Variants in LMBRD1 observed in about 807,000 individuals in gnomAD.
LMBRD1 encodes LMBR1 domain containing 1.
Under a neutral mutation model 74.8 loss-of-function variants are expected in LMBRD1, and 64 were observed. The observed-to-expected ratio is 0.86, with a 90% confidence interval of 0.70 to 1.05. The LOEUF is 1.05. Ranked by LOEUF, LMBRD1 falls within the 50% of genes least tolerant of loss-of-function variation. The pLI, the probability that LMBRD1 is intolerant of heterozygous loss-of-function variation, is 0.00. For missense variants in LMBRD1, 652 were observed against 645.9 expected (o/e 1.01, Z -0.10); for synonymous variants, 204 against 216.3 (o/e 0.94, Z 0.50).
intron 5 of LMBRD1, chr6:69,745,931 C>G (rs772333695): frequency 4.4e-6 from 1 of 228,356 alleles, no homozygotes; most frequent in Non-Finnish European, 8.8e-6. Context: ...GTCACCAGAG[C>G]TCCTTTTAAC....
At chr6:69,796,098 T>C (rs1766220128) in intron 1 of LMBRD1, among the ~76,000 whole-genome samples, 2 of 152,114 alleles carry the variant, frequency 1.3e-5, no homozygotes, top group South Asian at 4.2e-4. Flanking sequence ...GAGACATTTC[T>C]ATCTACACTT....
chr6:69,765,440 G>A (rs1203746953), intron 3 of LMBRD1, among the ~76,000 whole-genome samples: 5 of 151,948 alleles, frequency 3.3e-5, no homozygotes, highest in African/African-American at 1.2e-4. Flanking sequence ...GTTTATTTTT[G>A]GACTCTGAAT....
intron 7 of LMBRD1, among the ~76,000 whole-genome samples, chr6:69,726,267 C>T (rs1766732843): frequency 1.3e-5 from 2 of 152,288 alleles, no homozygotes; most frequent in South Asian, 4.1e-4. Context: ...AACCCTTGTA[C>T]ACTGTTGGTG....
At position 69,728,607 on chromosome 6, in the gene LMBRD1, C is replaced by G. The variant is rs1244708490; in HGVS notation, c.636+9335G>C. Among the ~76,000 whole-genome samples, 7 of 152,160 alleles carry G rather than the reference C, an allele frequency of 4.6e-5. No homozygotes were observed. In the South Asian group the frequency reaches 1.0e-3, roughly 22 times the overall value. On this transcript the variant is annotated intron_variant, in intron 7 of 15. Transcript: ENST00000649934. ...TTCCCAAGGAACCTTTTGCTCTAGT[C>G]AGTATTAACAACATGGCCCTTATTT... is the stretch of plus-strand genomic sequence containing the variant.
intron 11 of LMBRD1, 128 bp downstream of exon 11, chr6:69,701,315 A>G: frequency 3.1e-6 from 2 of 639,500 alleles, no homozygotes; most frequent in East Asian, 2.8e-5. Context: ...TAATATAAGC[A>G]TATGTCAAAC....
intron 7 of LMBRD1, among the ~76,000 whole-genome samples, chr6:69,723,195 A>G (rs1412097622): frequency 5.3e-5 from 8 of 152,178 alleles, no homozygotes; most frequent in African/African-American, 1.9e-4. Flanking sequence ...TTAGAGTTAG[A>G]GAGACAGACC....
chr6:69,764,332 A>ACTCTCT (rs113092782), intron 3 of LMBRD1, among the ~76,000 whole-genome samples: 8 of 147,780 alleles, frequency 5.4e-5, no homozygotes, highest in African/African-American at 2.0e-4. Context: ...TCGTTACCTC[A>ACTCTCT]CTCTCTCTCT....
rs968066497 is a variant in LMBRD1, at chr6:69,727,621, C to T, written c.637-8540G>A. Among the ~76,000 whole-genome samples the T allele has an allele frequency of 7.2e-5, 11 of 152,246 alleles. No homozygotes were observed. The East Asian group carries it at 1.9e-3, about 27-fold the overall frequency. ...ATTCACAATTTGGGTGATGGCTACACTAAAAGCCTAGACTTCACCACAATG... is the reference window on the plus strand; with the variant it reads ...ATTCACAATTTGGGTGATGGCTACATTAAAAGCCTAGACTTCACCACAATG... On this transcript the variant is annotated intron_variant, in intron 7 of 15. Coordinates refer to ENST00000649934, the MANE Select transcript of LMBRD1 (RefSeq NM_018368.4).
At chr6:69,700,712 G>T in intron 12 of LMBRD1, 53 bp downstream of exon 12, 1 of 1,170,078 alleles carries the variant, frequency 8.5e-7, no homozygotes, top group Non-Finnish European at 1.2e-6. Flanking sequence ...TTGTAATTAT[G>T]GAGATCACAC....
At chr6:69,741,003 G>A (rs1325269334) in intron 6 of LMBRD1, among the ~76,000 whole-genome samples, 1 of 151,786 alleles carries the variant, frequency 6.6e-6, no homozygotes, top group African/African-American at 2.4e-5. Flanking sequence ...TTTTGATGAG[G>A]TAAATTTATA....
intron 3 of LMBRD1, among the ~76,000 whole-genome samples, chr6:69,760,310 T>C (rs1461085114): frequency 6.6e-6 from 1 of 152,184 alleles, no homozygotes; most frequent in Admixed American, 6.5e-5. Flanking sequence ...AACATGAAGA[T>C]GAATGAAAGC....
At chr6:69,795,086 C>T (rs1434235450) in intron 1 of LMBRD1, among the ~76,000 whole-genome samples, 1 of 152,154 alleles carries the variant, frequency 6.6e-6, no homozygotes, top group Non-Finnish European at 1.5e-5. Flanking sequence ...CCATACACTT[C>T]GACTAAAATA....
intron 14 of LMBRD1, among the ~76,000 whole-genome samples, chr6:69,682,369 C>A (rs963192587): frequency 1.3e-5 from 2 of 151,844 alleles, no homozygotes; most frequent in African/African-American, 2.4e-5. Context: ...AGATATTTTG[C>A]ACTTAAGAAT....
chr6:69,754,387 C>G (rs971549832), intron 3 of LMBRD1, among the ~76,000 whole-genome samples: 3 of 152,160 alleles, frequency 2.0e-5, no homozygotes, highest in Non-Finnish European at 4.4e-5. Context: ...TTAACATTTG[C>G]TAGCACTATC....
chr6:69,698,453 C>T (rs1393328758), intron 13 of LMBRD1, among the ~76,000 whole-genome samples: 2 of 151,652 alleles, frequency 1.3e-5, no homozygotes, highest in Non-Finnish European at 3.0e-5. Flanking sequence ...TTTTTAAAAA[C>T]GGAAAAAAAC....
At chr6:69,766,931 T>G (rs1395064658) in intron 3 of LMBRD1, among the ~76,000 whole-genome samples, 1 of 151,764 alleles carries the variant, frequency 6.6e-6, no homozygotes, top group Non-Finnish European at 1.5e-5. Context: ...TTAAATCAGT[T>G]ATGGTAATTG....
At chr6:69,738,629 C>A (rs1035431864) in intron 6 of LMBRD1, among the ~76,000 whole-genome samples, 2 of 149,346 alleles carry the variant, frequency 1.3e-5, no homozygotes, top group African/African-American at 5.0e-5. Flanking sequence ...CACACACACA[C>A]AAAATACTAT....
chr6:69,687,251 C>CATTACTTAATATTGTATT (rs1765782350), intron 14 of LMBRD1, among the ~76,000 whole-genome samples: 1 of 152,172 alleles, frequency 6.6e-6, no homozygotes, highest in South Asian at 2.1e-4. Context: ...ATGTCACCTT[C>CATTACTTAATATTGTATT]CCAGTAAGAA....
chr6:69,778,645 CT>C (rs1167365963), intron 3 of LMBRD1, among the ~76,000 whole-genome samples: 17 of 152,244 alleles, frequency 1.1e-4, no homozygotes, highest in African/African-American at 2.2e-4. Context: ...ACCTCCCCCC[CT>C]AAAACTTTGT....
Sources: allele counts gnomAD v4.1 joint callset (sites outside exome capture counted in the v4.1 genomes callset), GRCh38; gene constraint gnomAD v4.1.1; transcripts MANE v1.5; gene names NCBI Gene and HGNC (gene_info 2026-07-23, HGNC 2026-07-21).